The following PCNX1 variants were observed in gnomAD, a reference collection of about 807,000 sequenced individuals.
The protein encoded by PCNX1 is pecanex-like protein 1.
PCNX1 carries 78 observed loss-of-function variants against 242.2 expected under a neutral mutation model. The observed-to-expected ratio is 0.32, with a 90% CI of 0.27 to 0.39. The LOEUF (loss-of-function observed/expected upper bound fraction) is 0.39. Among genes scored for constraint, PCNX1 ranks in the 10% least tolerant of loss-of-function variants. The pLI is 1.00. For missense variants in PCNX1, 2,581 were observed against 2,856.5 expected (o/e 0.90, Z 2.20); for synonymous variants, 1,024 against 1,032.9 (o/e 0.99, Z 0.17).
intron 1 of PCNX1, among the ~76,000 whole-genome samples, chr14:70,909,519 A>G (rs1040771026): frequency 2.0e-5 from 3 of 152,340 alleles, no homozygotes; most frequent in Admixed American, 1.3e-4. Context: ...TTCTATGTCC[A>G]GAAGAATTGT....
In PCNX1 at chr14:71,026,818, T is replaced by C; in HGVS notation, c.3402T>C (p.Pro1134=). The C allele has an allele frequency of 6.3e-7, 1 of 1,585,490 alleles. No individual in the cohort carries two copies. The highest frequency in any genetic ancestry group is 8.7e-7 in the Non-Finnish European group (1 of 1,155,170). ...TAGTGTTTTTCATTGGTCTCCTGCCTCAGGTGAATACATTTGTAATGTACC... is the reference window on the plus strand; with the variant it reads ...TAGTGTTTTTCATTGGTCTCCTGCCCCAGGTGAATACATTTGTAATGTACC... ...FPIVFFIGLL[P]QVNTFVMYLC... is the part of the protein sequence containing the mutation. The change falls in exon 15 of 36, where the codon CCT becomes CCC. Residue 1134 remains proline, a synonymous_variant. Coordinates refer to ENST00000304743, the MANE Select transcript of PCNX1 (RefSeq NM_014982.3).
chr14:71,022,958 A>G (rs545464431), intron 12 of PCNX1, among the ~76,000 whole-genome samples: 2 of 152,274 alleles, frequency 1.3e-5, no homozygotes, highest in Non-Finnish European at 2.9e-5. Flanking sequence ...AGATAGATAC[A>G]AATAAATACA....
intron 2 of PCNX1, among the ~76,000 whole-genome samples, chr14:70,961,001 C>T (rs1278272146): frequency 1.3e-5 from 2 of 152,014 alleles, no homozygotes; most frequent in African/African-American, 4.8e-5. Flanking sequence ...AACCACTGCT[C>T]AATGAAATAA....
At chr14:70,953,070 T>C (rs1248050079) in intron 2 of PCNX1, among the ~76,000 whole-genome samples, 2 of 152,052 alleles carry the variant, frequency 1.3e-5, no homozygotes, top group Non-Finnish European at 2.9e-5. Flanking sequence ...GAGTTCCAGA[T>C]CAGTTTGGGC....
chr14:71,073,703 T>C lies in PCNX1; in HGVS notation c.5011T>C (p.Tyr1671His), dbSNP rs1392852227. The C allele has an allele frequency of 6.2e-7, 1 of 1,613,920 alleles. No homozygotes were observed. Residue 1671 changes from tyrosine to histidine, a missense_variant, in exon 27 of 36, where the codon TAC becomes CAC. Physicochemically the swap from Tyr to His is moderately conservative, Grantham distance 83. Around this residue, in one of 9 missense-constraint regions of PCNX1, gnomAD observed 298 missense variants for 480.1 expected, o/e 0.62. Transcript: ENST00000304743. The part of the protein sequence containing the change: ...WLAWEVIVTK[Y>H]ILEGYSITDN... ...AGCTTGGGAAGTGATAGTCACAAAG[T>C]ACATTCTGGAGGGTTATAGCATCAC...
chr14:70,978,028 CA>C lies in PCNX1; in HGVS notation c.1692del (p.Gly565GlufsTer44). 1 of 1,614,018 alleles carries C rather than the reference CA, an allele frequency of 6.2e-7. No homozygotes were observed. The highest frequency in any genetic ancestry group is 8.5e-7 in the Non-Finnish European group (1 of 1,179,996). Reference sequence around the variant, plus strand: ...GCCCACAAGTCAGGCAGGAGACGCACAGGAAAAAAACGGGCTAGCAGTTTTG... The same window carrying C: ...GCCCACAAGTCAGGCAGGAGACGCACGGAAAAAAACGGGCTAGCAGTTTTG... Reference protein sequence around the residue: ...ASAHKSGRRRTGKKRASSFDS... With the variant: ...ASAHKSGRRRXGKKRASSFDS... On this transcript the variant is annotated frameshift_variant, in exon 6 of 36. Transcript: ENST00000304743. LOFTEE classifies it high-confidence loss of function.
intron 5 of PCNX1, among the ~76,000 whole-genome samples, chr14:70,973,766 T>C (rs1230452054): frequency 6.6e-6 from 1 of 152,214 alleles, no homozygotes; most frequent in African/African-American, 2.4e-5. Context: ...GTAACATATA[T>C]GTTAACTTTA....
intron 22 of PCNX1, chr14:71,048,959 T>G: frequency 5.9e-6 from 4 of 680,478 alleles, no homozygotes; most frequent in Non-Finnish European, 7.3e-6. Flanking sequence ...AGTCACTAAT[T>G]TGTATTTTTA....
chr14:71,011,579 TA>T lies in PCNX1; in HGVS notation c.2778+33del, dbSNP rs765432561. On this transcript the variant is annotated intron_variant, in intron 10 of 35. Coordinates refer to ENST00000304743, the MANE Select transcript of PCNX1 (RefSeq NM_014982.3). ...GTTTTTCTTTATTTTTACAACATGATAAATTTTCAGATTAAATCTGAAATAT... is the reference window on the plus strand; with the variant it reads ...GTTTTTCTTTATTTTTACAACATGATAATTTTCAGATTAAATCTGAAATAT... The T allele has an allele frequency of 3.2e-6, 4 of 1,248,166 alleles. No individual in the cohort carries two copies. In the South Asian group the frequency reaches 3.8e-5, roughly 12 times the overall value. 77.3% of individuals were successfully genotyped at this position (1,248,166 alleles called of 1,614,324 possible). A position where few individuals can be genotyped will look rare whatever the true frequency, so the allele number is the denominator to read the frequency against.
intron 6 of PCNX1, 67 bp downstream of exon 6, chr14:70,978,715 T>A: frequency 1.5e-6 from 2 of 1,335,738 alleles, no homozygotes; most frequent in South Asian, 1.5e-5. Context: ...ATTAGAGTAG[T>A]ACTTACTAAA....
At chr14:70,913,322 A>G (rs1311091817) in intron 1 of PCNX1, among the ~76,000 whole-genome samples, 2 of 152,200 alleles carry the variant, frequency 1.3e-5, no homozygotes, top group Non-Finnish European at 2.9e-5. Context: ...GCTGTATCAT[A>G]TGGTGGAGCT....
intron 19 of PCNX1, among the ~76,000 whole-genome samples, chr14:71,040,529 C>T (rs2060673237): frequency 6.6e-6 from 1 of 151,870 alleles, no homozygotes; most frequent in East Asian, 1.9e-4. Context: ...TCTAAACGTT[C>T]TTCATTTTTT....
At position 70,946,918 on chromosome 14, in the gene PCNX1, C is replaced by T. The variant is rs140238946; in HGVS notation, c.157C>T (p.Leu53Phe). ...CCTTATTTTCTTTCTCTTAAAGGCCCTTCCTTCTACCATGATTATAGTAGC... is the reference window on the plus strand; with the variant it reads ...CCTTATTTTCTTTCTCTTAAAGGCCTTTCCTTCTACCATGATTATAGTAGC... The part of the protein sequence containing the change: ...LGLPFTLYMA[L>F]PSTMIIVAVY... The change falls in exon 2 of 36, where the codon CTT (leucine) becomes TTT (phenylalanine). Residue 53 changes from leucine (L) to phenylalanine (F), a missense_variant. Leu to Phe is a conservative substitution (Grantham distance 22). Transcript: ENST00000304743. The T allele has an allele frequency of 9.7e-5, 156 of 1,601,508 alleles. No individual in the cohort carries two copies. The East Asian group carries it at 3.1e-3, about 32-fold the overall frequency.
At chr14:70,950,403 C>T (rs2057729230) in intron 2 of PCNX1, among the ~76,000 whole-genome samples, 1 of 151,892 alleles carries the variant, frequency 6.6e-6, no homozygotes, top group Non-Finnish European at 1.5e-5. Flanking sequence ...TGTATTTTAT[C>T]CTATTTTAAA....
At chr14:71,087,882 A>G (rs2062032664) in intron 28 of PCNX1, among the ~76,000 whole-genome samples, 1 of 152,182 alleles carries the variant, frequency 6.6e-6, no homozygotes, top group Admixed American at 6.5e-5. Context: ...CTTGATTTTC[A>G]CTATGTTTAT....
intron 8 of PCNX1, among the ~76,000 whole-genome samples, chr14:71,001,247 T>C (rs1240122050): frequency 3.3e-5 from 5 of 152,214 alleles, no homozygotes; most frequent in Non-Finnish European, 7.3e-5. Flanking sequence ...TAAGCTTTAG[T>C]GTACAGCAGC....
chr14:71,009,232 C>T (rs1799165584), intron 8 of PCNX1, among the ~76,000 whole-genome samples: 1 of 152,130 alleles, frequency 6.6e-6, no homozygotes, highest in Non-Finnish European at 1.5e-5. Context: ...ATTTTGTGGG[C>T]TTGTAGTTTG....
chr14:71,024,705 G>A (rs527237731), intron 13 of PCNX1, among the ~76,000 whole-genome samples: 4 of 152,270 alleles, frequency 2.6e-5, no homozygotes, highest in African/African-American at 9.6e-5. Flanking sequence ...AATTTCTGCA[G>A]TATTAACATT....
intron 24 of PCNX1, 88 bp from the exon 25 acceptor site, chr14:71,055,416 T>C: frequency 1.3e-6 from 1 of 750,754 alleles, no homozygotes; most frequent in South Asian, 1.8e-5. Context: ...CTTTATTTTA[T>C]ACATTTCCTA....
Sources: gnomAD v4.1 joint callset for allele counts (sites outside exome capture counted in the v4.1 genomes callset) on GRCh38, gnomAD v4.1.1 for gene constraint, gnomAD v4.1.1 regional missense constraint, MANE v1.5 for transcripts, NCBI Gene and HGNC (gene_info 2026-07-23, HGNC 2026-07-21) for gene names.